Variants in YIPF4 observed in about 807,000 individuals in gnomAD.
YIPF4 encodes Yip1 domain family member 4, also known as protein YIPF4.
A neutral mutation model predicts 29.4 loss-of-function variants in YIPF4; 18 were observed. The observed-to-expected ratio is 0.61, with a 90% confidence interval of 0.42 to 0.91. YIPF4 has a LOEUF of 0.91. YIPF4 is among the 40% of genes least tolerant of loss of function. The pLI is 0.00. For missense variants in YIPF4, 279 were observed against 282.7 expected (o/e 0.99, Z 0.09); for synonymous variants, 115 against 104.7 (o/e 1.10, Z -0.60).
Position 32,312,242 on chromosome 2 carries a change from A to G in YIPF4, c.*6616A>G, listed in dbSNP as rs950882569. On this transcript the variant is annotated 3_prime_UTR_variant, in exon 6 of 6. Transcript: ENST00000238831. ...GGTGGCTCACGCCTGTAATCCCAGC[A>G]CTTTGGGAGGCCGAGGTGGGCGGAC... 3.9e-5 allele frequency: 6 copies of G among 151,984 alleles called. No individual in the cohort carries two copies. The highest frequency in any genetic ancestry group is 6.6e-5 in the Admixed American group (1 of 15,246). 9.4% of individuals were successfully genotyped at this position (151,984 alleles called of 1,614,324 possible). A position where few individuals can be genotyped will look rare whatever the true frequency, so the allele number is the denominator to read the frequency against.
rs1373622904 is a variant in YIPF4 at position 32,278,004 on chromosome 2, G to T, written c.-152G>T. ...TAGTCTCGGGGCAGCTCAGCGGCCC[G>T]CTGTGCCCGTTTCTGGCCTCGCTCG... On this transcript the variant is annotated 5_prime_UTR_variant, in exon 1 of 6. Transcript: ENST00000238831. The T allele has an allele frequency of 3.2e-6, 2 of 632,058 alleles. No homozygotes were observed. The highest frequency in any genetic ancestry group is 5.2e-6 in the Non-Finnish European group (2 of 382,112). The allele number at this position is 632,058 out of a possible 1,614,324, so 39.2% of individuals were successfully genotyped here. A position where few individuals can be genotyped will look rare whatever the true frequency, so the allele number is the denominator to read the frequency against.
rs766048580 is a variant in YIPF4 at position 32,292,339 on chromosome 2, A to G, written c.396A>G (p.Gly132=). 1.5e-5 allele frequency: 24 copies of G among 1,583,272 alleles called. No homozygotes were observed. The East Asian group carries it at 4.5e-4, about 30-fold the overall frequency. Residue 132 remains glycine, a synonymous_variant, in exon 3 of 6, where the codon GGA becomes GGG. Transcript: ENST00000238831. ...TCTTTTCCATGATATCATTATATGG[A>G]CAGTTTAGGGTAAGTATATCTTATT... ...VLFFSMISLY[G]QFRVVSWIIT...
intron 1 of YIPF4, among the ~76,000 whole-genome samples, chr2:32,288,965 C>CA (rs994064149): frequency 5.3e-5 from 8 of 151,646 alleles, no homozygotes; most frequent in African/African-American, 1.2e-4. Context: ...GGCTCTGATA[C>CA]AAAAAAAAGA....
chr2:32,290,705 G>A (rs977796934), intron 2 of YIPF4, 69 bp downstream of exon 2: 90 of 1,098,298 alleles, frequency 8.2e-5, no homozygotes, highest in Non-Finnish European at 9.9e-5. Context: ...TATTCTTCTT[G>A]TTATTTAGAG....
chr2:32,282,765 T>A (rs2030485517), intron 1 of YIPF4, among the ~76,000 whole-genome samples: 1 of 151,722 alleles, frequency 6.6e-6, no homozygotes, highest in Non-Finnish European at 1.5e-5. Context: ...TTTCCTCATA[T>A]ACAAATTGGG....
intron 1 of YIPF4, among the ~76,000 whole-genome samples, chr2:32,280,638 T>C (rs997231596): frequency 5.9e-5 from 9 of 152,102 alleles, no homozygotes; most frequent in Admixed American, 4.6e-4. Flanking sequence ...TGCCTCGGCC[T>C]CCCAAAGTGC....
intron 1 of YIPF4, among the ~76,000 whole-genome samples, chr2:32,290,205 A>C (rs2030850286): frequency 6.6e-6 from 1 of 152,196 alleles, no homozygotes; most frequent in African/African-American, 2.4e-5. Context: ...ATTTTAAGGA[A>C]TTACTGTTGT....
intron 5 of YIPF4, among the ~76,000 whole-genome samples, chr2:32,304,867 A>T (rs1044002638): frequency 1.3e-5 from 2 of 152,212 alleles, no homozygotes; most frequent in Middle Eastern, 3.2e-3. Context: ...ATGTGATCCA[A>T]AAACTATAGT....
chr2:32,314,948 C>G lies in YIPF4; in HGVS notation c.*9322C>G, dbSNP rs2031792542. 2 of 152,078 alleles carry G rather than the reference C, an allele frequency of 1.3e-5. No homozygotes were observed. Among genetic ancestry groups the G allele is most frequent in the South Asian group, 4.1e-4 (2 of 4,828 alleles). 9.4% of individuals were successfully genotyped at this position (152,078 alleles called of 1,614,324 possible). A position where few individuals can be genotyped will look rare whatever the true frequency, so the allele number is the denominator to read the frequency against. On this transcript the variant is annotated 3_prime_UTR_variant, in exon 6 of 6. Transcript: ENST00000238831. ...GTGGGGATACTGTATCAGATAGGAACATATTTGGTTGCAAGAAACAAAAAT... is the reference window on the plus strand; with the variant it reads ...GTGGGGATACTGTATCAGATAGGAAGATATTTGGTTGCAAGAAACAAAAAT...
intron 1 of YIPF4, among the ~76,000 whole-genome samples, chr2:32,286,244 G>T (rs2030664658): frequency 6.6e-6 from 1 of 152,166 alleles, no homozygotes; most frequent in African/African-American, 2.4e-5. Flanking sequence ...ACCAGTGTCA[G>T]TGTCCTGAAT....
intron 3 of YIPF4, among the ~76,000 whole-genome samples, chr2:32,293,108 GGTGTTTCTC>G (rs2030993964): frequency 6.8e-6 from 1 of 146,350 alleles, no homozygotes; most frequent in African/African-American, 2.5e-5. Context: ...ATCATTCTTG[GGTGTTTCTC>G]GCAGAGGGGG....
intron 4 of YIPF4, among the ~76,000 whole-genome samples, chr2:32,298,773 G>A (rs546585600): frequency 4.6e-5 from 7 of 152,082 alleles, no homozygotes; most frequent in African/African-American, 1.4e-4. Context: ...TGGCCAGGCT[G>A]GTCTTGAACT....
Position 32,306,073 on chromosome 2 carries a change from GA to G in YIPF4, c.*450del. ...TTTATATTTATACATATATATTTAT[GA>G]AATAATTCTTACTCACAAAATATAT... On this transcript the variant is annotated 3_prime_UTR_variant, in exon 6 of 6. Transcript: ENST00000238831. The G allele has an allele frequency of 2.5e-6, 2 of 806,572 alleles. No individual in the cohort carries two copies. The highest frequency in any genetic ancestry group is 3.7e-5 in the African/African-American group (2 of 53,594). 50.0% of individuals were successfully genotyped at this position (806,572 alleles called of 1,614,324 possible).
chr2:32,298,356 C>T, intron 4 of YIPF4, 45 bp downstream of exon 4: 1 of 1,483,082 alleles, frequency 6.7e-7, no homozygotes, highest in Non-Finnish European at 9.4e-7. Context: ...TTATGGTGAG[C>T]TTAGTTTTTG....
chr2:32,281,919 A>C (rs1488577651), intron 1 of YIPF4, among the ~76,000 whole-genome samples: 1 of 140,060 alleles, frequency 7.1e-6, no homozygotes, highest in Non-Finnish European at 1.6e-5. Context: ...AAAAAAAGGC[A>C]ACCATGGTAG....
intron 1 of YIPF4, among the ~76,000 whole-genome samples, chr2:32,278,698 A>C (rs115589511): frequency 5.9e-5 from 9 of 152,154 alleles, no homozygotes; most frequent in African/African-American, 2.2e-4. Context: ...TGCAAATACA[A>C]ACTAAATGGT....
Position 32,290,655 on chromosome 2 carries a change from A to T in YIPF4, c.233+19A>T. 2 of 1,397,702 alleles carry T rather than the reference A, an allele frequency of 1.4e-6. No individual in the cohort carries two copies. Among genetic ancestry groups the T allele is most frequent in the Non-Finnish European group, 1.9e-6 (2 of 1,071,986 alleles). 86.6% of individuals were successfully genotyped at this position (1,397,702 alleles called of 1,614,324 possible). A position where few individuals can be genotyped will look rare whatever the true frequency, so the allele number is the denominator to read the frequency against. ...CACTCTTGTATGTAAAAATAATAAT[A>T]TATATTTTTTGTTTTTTGAGCTAGT... On this transcript the variant is annotated intron_variant, in intron 2 of 5. Coordinates refer to ENST00000238831, the MANE Select transcript of YIPF4 (RefSeq NM_032312.4).
intron 3 of YIPF4, among the ~76,000 whole-genome samples, chr2:32,294,959 C>T (rs931103873): frequency 7.4e-5 from 11 of 148,452 alleles, no homozygotes; most frequent in South Asian, 4.4e-4. Flanking sequence ...GGCAGGCACT[C>T]GGCAGGCTGA....
intron 5 of YIPF4, among the ~76,000 whole-genome samples, chr2:32,304,131 C>A (rs1345057879): frequency 1.3e-5 from 2 of 151,758 alleles, no homozygotes; most frequent in African/African-American, 2.4e-5. Context: ...AATTTTTTTC[C>A]TGATCATTTA....
Sources: allele counts gnomAD v4.1 joint callset (sites outside exome capture counted in the v4.1 genomes callset), GRCh38; gene constraint gnomAD v4.1.1; transcripts MANE v1.5; gene names NCBI Gene and HGNC (gene_info 2026-07-23, HGNC 2026-07-21).